Variants in ARHGAP25 observed in about 807,000 individuals in gnomAD.
ARHGAP25 encodes Rho GTPase activating protein 25.
A neutral mutation model predicts 71.0 loss-of-function variants in ARHGAP25; 34 were observed. The observed-to-expected ratio is 0.48, with a 90% CI of 0.36 to 0.64. ARHGAP25 has a LOEUF of 0.64. Among genes scored for constraint, ARHGAP25 ranks in the 30% least tolerant of loss-of-function variants. The pLI is 0.00. For missense variants in ARHGAP25, 706 were observed against 805.1 expected, an observed-to-expected ratio of 0.88 and a Z score of 1.49; for synonymous variants, 282 against 296.5, an observed-to-expected ratio of 0.95 and a Z score of 0.50.
At position 68,822,354 on chromosome 2, in the gene ARHGAP25, T is replaced by C. The variant is rs752414071; in HGVS notation, c.1215T>C (p.Asp405=). The change falls in exon 10 of 11, where the codon GAT becomes GAC. Residue 405 remains aspartate (D), a synonymous_variant. Transcript: ENST00000409202. ...DSFSSMTSDS[D]TTSPTGQQPS... Reference sequence around the variant, plus strand: ...TTCTTTTCTAGACAAGCGACTCTGATACAACCAGCCCCACCGGACAGCAGC... The same window carrying C: ...TTCTTTTCTAGACAAGCGACTCTGACACAACCAGCCCCACCGGACAGCAGC... 6.2e-7 allele frequency: 1 copy of C among 1,613,518 alleles called. No individual in the cohort carries two copies. The highest frequency in any genetic ancestry group is 1.1e-5 in the South Asian group (1 of 91,044).
chr2:68,809,773 T>C (rs1275053729), intron 5 of ARHGAP25, among the ~76,000 whole-genome samples: 1 of 152,128 alleles, frequency 6.6e-6, no homozygotes, highest in East Asian at 1.9e-4. Context: ...TCTGCATTGG[T>C]TATGTGCTGG....
intron 4 of ARHGAP25, among the ~76,000 whole-genome samples, chr2:68,802,707 AAGAGAGAGAG>A (rs35124579): frequency 2.7e-5 from 4 of 148,138 alleles, no homozygotes; most frequent in Admixed American, 6.7e-5. Context: ...ATAGAGGAGA[AAGAGAGAGAG>A]AGAGAGAGAG....
chr2:68,784,551 A>G (rs764354843), intron 3 of ARHGAP25, among the ~76,000 whole-genome samples: 1 of 152,046 alleles, frequency 6.6e-6, no homozygotes, highest in Non-Finnish European at 1.5e-5. Flanking sequence ...CCCTCTCCCT[A>G]CTGATCTCTC....
chr2:68,774,570 G>A (rs1024899622), intron 1 of ARHGAP25, among the ~76,000 whole-genome samples: 1 of 152,218 alleles, frequency 6.6e-6, no homozygotes, highest in Admixed American at 6.5e-5. Flanking sequence ...TACTCTCCGT[G>A]GGCAGGGGAC....
chr2:68,783,500 T>C (rs181637205), intron 3 of ARHGAP25, among the ~76,000 whole-genome samples: 242 of 152,064 alleles, frequency 1.6e-3, no homozygotes, highest in African/African-American at 5.6e-3. Flanking sequence ...TCTTGCTCTG[T>C]TGCCCAAGCT....
chr2:68,807,591 A>G, intron 5 of ARHGAP25, 111 bp downstream of exon 5: 1 of 1,098,002 alleles, frequency 9.1e-7, no homozygotes, highest in Non-Finnish European at 1.3e-6. Context: ...GACTTCTAAG[A>G]GCCCTGGCTT....
In ARHGAP25 at chr2:68,727,620, G is replaced by C. The variant is rs560371345; in HGVS notation, c.-18+16922G>C. 3.3e-5 allele frequency among the ~76,000 whole-genome samples: 5 copies of C among 152,306 alleles called. No individual in the cohort carries two copies. In the South Asian group the frequency reaches 1.0e-3, roughly 32 times the overall value. On this transcript the variant is annotated intron_variant and NMD_transcript_variant, in intron 2 of 7. Coordinates refer to the ARHGAP25 transcript ENST00000463483. ...AGACCCTCACCTTCTGACTCTCCTGGAGTCTGTTCTTCACTCTGACCCAAA... is the reference window on the plus strand; with the variant it reads ...AGACCCTCACCTTCTGACTCTCCTGCAGTCTGTTCTTCACTCTGACCCAAA...
At chr2:68,718,379 A>G (rs568167989) in intron 2 of ARHGAP25, among the ~76,000 whole-genome samples, 62 of 152,226 alleles carry the variant, frequency 4.1e-4, no homozygotes, top group Non-Finnish European at 7.6e-4. Context: ...TTGTACTCAC[A>G]CTTTCTACTT....
At chr2:68,769,274 A>G (rs1157594296) in intron 1 of ARHGAP25, among the ~76,000 whole-genome samples, 2 of 152,138 alleles carry the variant, frequency 1.3e-5, no homozygotes, top group Non-Finnish European at 2.9e-5. Flanking sequence ...CCATACTATA[A>G]TAATAATGTT....
rs1189307193 is a variant in ARHGAP25, at chr2:68,826,780, A to G, written c.*586A>G. On this transcript the variant is annotated 3_prime_UTR_variant, in exon 11 of 11. Transcript: ENST00000409202. ...AACAAGCAACAAACTGTATTTATGC[A>G]AGCAAAATTGATGAGAAAATTATAT... is the stretch of plus-strand genomic sequence containing the variant. The G allele has an allele frequency of 1.3e-5, 2 of 154,900 alleles. No individual in the cohort carries two copies. The highest frequency in any genetic ancestry group is 2.9e-5 in the Non-Finnish European group (2 of 69,672). The allele number at this position is 154,900 out of a possible 1,614,324, so 9.6% of individuals were successfully genotyped here.
intron 2 of ARHGAP25, among the ~76,000 whole-genome samples, chr2:68,781,262 C>G (rs895000676): frequency 6.6e-6 from 1 of 152,062 alleles, no homozygotes; most frequent in African/African-American, 2.4e-5. Flanking sequence ...CAGTGGTGAG[C>G]GCCTGTAGTG....
At chr2:68,787,398 C>T (rs957435970) in intron 3 of ARHGAP25, among the ~76,000 whole-genome samples, 1 of 152,202 alleles carries the variant, frequency 6.6e-6, no homozygotes, top group Non-Finnish European at 1.5e-5. Context: ...GTCACTCCCA[C>T]CTGAGGTTGT....
At chr2:68,778,581 T>C (rs899049987) in intron 2 of ARHGAP25, among the ~76,000 whole-genome samples, 2 of 152,156 alleles carry the variant, frequency 1.3e-5, no homozygotes, top group Non-Finnish European at 2.9e-5. Flanking sequence ...CACAATAATC[T>C]TGGAGCCATC....
intron 5 of ARHGAP25, among the ~76,000 whole-genome samples, chr2:68,809,606 A>T (rs13031428): frequency 0.59 from 89,160 of 151,898 alleles, 26,267 homozygotes; most frequent in South Asian, 0.63. Flanking sequence ...TTCAGAGTCA[A>T]GAGCAGACCA....
upstream of ARHGAP25, among the ~76,000 whole-genome samples, chr2:68,732,158 G>A (rs188093312): frequency 6.6e-6 from 1 of 152,326 alleles, no homozygotes; most frequent in African/African-American, 2.4e-5. Flanking sequence ...CCAGTTGACT[G>A]ACCGAGAGAG....
intron 1 of ARHGAP25, among the ~76,000 whole-genome samples, chr2:68,769,508 C>G (rs1677343852): frequency 1.3e-5 from 2 of 152,168 alleles, no homozygotes; most frequent in African/African-American, 4.8e-5. Context: ...CCTTCCTTCT[C>G]TCTGTTAGGC....
intron 1 of ARHGAP25, among the ~76,000 whole-genome samples, chr2:68,765,034 T>A (rs1677042089): frequency 6.6e-6 from 1 of 152,214 alleles, no homozygotes; most frequent in African/African-American, 2.4e-5. Flanking sequence ...CATTCCTTCC[T>A]GAGTTCCCTC....
chr2:68,822,350 C>G lies in ARHGAP25; in HGVS notation c.1211C>G (p.Ser404Cys). The G allele has an allele frequency of 6.2e-7, 1 of 1,612,976 alleles. No homozygotes were observed. Among genetic ancestry groups the G allele is most frequent in the Non-Finnish European group, 8.5e-7 (1 of 1,179,534 alleles). ...CCATTTCTTTTCTAGACAAGCGACT[C>G]TGATACAACCAGCCCCACCGGACAG... ...TDSFSSMTSD[S>C]DTTSPTGQQP... Residue 404 changes from serine to cysteine, a missense_variant, in exon 10 of 11, where the codon TCT (serine) becomes TGT (cysteine). By Grantham distance (112) the Ser-to-Cys change is moderately radical (BLOSUM62 -1). Transcript: ENST00000409202.
intron 6 of ARHGAP25, among the ~76,000 whole-genome samples, chr2:68,814,194 CTATAATGAGA>C: frequency 6.6e-6 from 1 of 152,336 alleles, no homozygotes; most frequent in Non-Finnish European, 1.5e-5. Context: ...ACAGAAAAAT[CTATAATGAGA>C]CCTAGATTTA....
Sources: allele counts gnomAD v4.1 joint callset (sites outside exome capture counted in the v4.1 genomes callset), GRCh38; gene constraint gnomAD v4.1.1; transcripts MANE v1.5; gene names NCBI Gene and HGNC (gene_info 2026-07-23, HGNC 2026-07-21).